The following RILPL1 variants were observed in gnomAD, a reference collection of about 807,000 sequenced individuals.
The protein encoded by RILPL1 is RILP-like protein 1.
In RILPL1, 33 loss-of-function variants were observed where a neutral mutation model predicts 50.3. That is an observed-to-expected ratio of 0.66 (90% CI 0.50 to 0.88). The LOEUF (loss-of-function observed/expected upper bound fraction) is 0.88, where lower values mean the gene tolerates loss of function less well. Among genes scored for constraint, RILPL1 ranks in the 40% least tolerant of loss-of-function variants. The probability of loss-of-function intolerance (pLI) is 0.00; values close to 1 mark genes in which losing one functional copy is unlikely to be tolerated. For missense variants in RILPL1, 418 were observed against 542.5 expected (o/e 0.77, Z 2.28); for synonymous variants, 205 against 228.6 (o/e 0.90, Z 0.93).
In RILPL1 at chr12:123,498,168, C is replaced by T. The variant is rs1053828334; in HGVS notation, c.801+376G>A. Among the ~76,000 whole-genome samples, 119 of 152,158 alleles carry T rather than the reference C, an allele frequency of 7.8e-4. 2 individuals are homozygous for T. Among genetic ancestry groups the T allele is most frequent in the Non-Finnish European group, 2.9e-5 (2 of 68,012 alleles). On this transcript the variant is annotated intron_variant, in intron 4 of 6. Transcript: ENST00000376874. The surrounding 1 kb of genome is among the most constrained non-coding windows in gnomAD (Gnocchi z 4.3). Reference sequence around the variant, plus strand: ...GGTTCCAACCCCTCAGCTGTGTGTCCTCAGGCCAGTAGCTTGTTCTCTCTG... The same window carrying T: ...GGTTCCAACCCCTCAGCTGTGTGTCTTCAGGCCAGTAGCTTGTTCTCTCTG...
At chr12:123,517,418 GTTA>G (rs915276057) in intron 2 of RILPL1, among the ~76,000 whole-genome samples, 4 of 138,478 alleles carry the variant, frequency 2.9e-5, no homozygotes, top group Non-Finnish European at 4.6e-5. Context: ...CAATTTTGTT[GTTA>G]TTGTTTTTTT....
chr12:123,508,776 G>A (rs1883914528), intron 2 of RILPL1, among the ~76,000 whole-genome samples: 1 of 152,144 alleles, frequency 6.6e-6, no homozygotes, highest in Non-Finnish European at 1.5e-5. Flanking sequence ...GGACAAGGTA[G>A]GAGAATTGCT....
At chr12:123,521,583 G>A (rs867106683) in intron 2 of RILPL1, among the ~76,000 whole-genome samples, 2 of 36,404 alleles carry the variant, frequency 5.5e-5, no homozygotes, top group Admixed American at 4.1e-4. Context: ...ACACACATAT[G>A]TGTATATATA....
chr12:123,482,088 G>T (rs1882041256), intron 6 of RILPL1, among the ~76,000 whole-genome samples: 1 of 151,370 alleles, frequency 6.6e-6, no homozygotes, highest in African/African-American at 2.4e-5. Flanking sequence ...TGGCCAGGTT[G>T]GTCTTGAACT....
chr12:123,509,815 G>A (rs780720761), intron 2 of RILPL1, among the ~76,000 whole-genome samples: 9 of 152,178 alleles, frequency 5.9e-5, no homozygotes, highest in Non-Finnish European at 1.2e-4. Context: ...CACTCACACA[G>A]GTTACAGAGG....
chr12:123,487,111 T>G (rs1188437385), intron 4 of RILPL1, among the ~76,000 whole-genome samples: 1 of 152,138 alleles, frequency 6.6e-6, no homozygotes, highest in African/African-American at 2.4e-5. Flanking sequence ...AAACCTGTAC[T>G]TATTAAGCAG....
chr12:123,484,128 C>G, intron 6 of RILPL1, 52 bp downstream of exon 6: 1 of 1,209,828 alleles, frequency 8.3e-7, no homozygotes. Flanking sequence ...AGTCAAAGGA[C>G]ACGTGAACCG....
intron 6 of RILPL1, among the ~76,000 whole-genome samples, chr12:123,479,174 T>G (rs1881796636): frequency 6.6e-6 from 1 of 152,032 alleles, no homozygotes; most frequent in Non-Finnish European, 1.5e-5. Flanking sequence ...AGCAGTTTGA[T>G]CTAAATGTCA....
intron 4 of RILPL1, among the ~76,000 whole-genome samples, chr12:123,495,375 A>ATTTT (rs34446983): frequency 7.3e-6 from 1 of 137,156 alleles, no homozygotes; most frequent in African/African-American, 2.7e-5. Flanking sequence ...CCTCTTAAAC[A>ATTTT]TTTTTTTTTT....
At chr12:123,508,557 C>A (rs1041624802) in intron 2 of RILPL1, among the ~76,000 whole-genome samples, 1 of 152,180 alleles carries the variant, frequency 6.6e-6, no homozygotes, top group East Asian at 1.9e-4. Flanking sequence ...AGGTCAGAGT[C>A]AGGGTGACCT....
At chr12:123,501,517 T>C (rs1883380592) in intron 2 of RILPL1, among the ~76,000 whole-genome samples, 1 of 151,830 alleles carries the variant, frequency 6.6e-6, no homozygotes, top group African/African-American at 2.4e-5. Context: ...ATCCCAGCAC[T>C]TTGGGAAGCC....
In RILPL1 at chr12:123,480,153, T is replaced by A. The variant is rs1024465141; in HGVS notation, c.1067+4027A>T. 4.7e-5 allele frequency among the ~76,000 whole-genome samples: 7 copies of A among 149,124 alleles called. No homozygotes were observed. The East Asian group carries it at 1.4e-3, about 29-fold the overall frequency. On this transcript the variant is annotated intron_variant, in intron 6 of 6. Transcript: ENST00000376874. ...GTGAAAGTGAAGGTGCTAGAAAGGC[T>A]GATTCTTTTTTTTTTTTTTTTTTTT...
At chr12:123,521,662 TA>T (rs1378440002) in intron 2 of RILPL1, among the ~76,000 whole-genome samples, 10 of 11,292 alleles carry the variant, frequency 8.9e-4, no homozygotes, top group African/African-American at 2.8e-3. Flanking sequence ...CACATATATG[TA>T]TATATATAAA....
chr12:123,523,967 G>A (rs906703062), intron 1 of RILPL1, among the ~76,000 whole-genome samples: 1 of 152,224 alleles, frequency 6.6e-6, no homozygotes, highest in Non-Finnish European at 1.5e-5. Context: ...ACGGGGGTCC[G>A]AACGTTCCTA....
At chr12:123,530,505 A>C (rs1305004602) in intron 1 of RILPL1, among the ~76,000 whole-genome samples, 1 of 152,152 alleles carries the variant, frequency 6.6e-6, no homozygotes, top group Non-Finnish European at 1.5e-5. Context: ...AAGCTGCATA[A>C]TATTTCTATG....
chr12:123,508,996 G>C (rs1294247669), intron 2 of RILPL1, among the ~76,000 whole-genome samples: 6 of 152,140 alleles, frequency 3.9e-5, no homozygotes, highest in Non-Finnish European at 7.4e-5. Context: ...GACCAACCTG[G>C]TCAACATGGT....
chr12:123,494,114 C>T (rs921378404), intron 4 of RILPL1, among the ~76,000 whole-genome samples: 3 of 152,098 alleles, frequency 2.0e-5, no homozygotes, highest in African/African-American at 7.2e-5. Context: ...TCACCAAGCC[C>T]TCCCCTGATC....
intron 2 of RILPL1, among the ~76,000 whole-genome samples, chr12:123,506,293 A>C (rs1168976296): frequency 6.6e-6 from 1 of 152,216 alleles, no homozygotes; most frequent in East Asian, 1.9e-4. Context: ...GCTGAGGCGC[A>C]GAGGCCATGG....
intron 2 of RILPL1, among the ~76,000 whole-genome samples, chr12:123,501,786 A>G (rs1883411163): frequency 6.6e-6 from 1 of 151,316 alleles, no homozygotes; most frequent in Non-Finnish European, 1.5e-5. Context: ...AAAGAAAAGA[A>G]AAAAAACAAC....
Sources: gnomAD v4.1 joint callset for allele counts (sites outside exome capture counted in the v4.1 genomes callset) on GRCh38, gnomAD v4.1.1 for gene constraint, Gnocchi (gnomAD v3.1) non-coding constraint, MANE v1.5 for transcripts, NCBI Gene and HGNC (gene_info 2026-07-23, HGNC 2026-07-21) for gene names.